Variants in KANSL1 observed in about 807,000 individuals in gnomAD.
The protein encoded by KANSL1 is KAT8 regulatory NSL complex subunit 1.
Under a neutral mutation model 103.6 loss-of-function variants are expected in KANSL1, and 22 were observed. The observed-to-expected ratio is 0.21, with a 90% CI of 0.15 to 0.30. The LOEUF is 0.30. Ranked by LOEUF, KANSL1 falls within the 10% of genes least tolerant of loss-of-function variation. The pLI, the probability that KANSL1 is intolerant of heterozygous loss-of-function variation, is 1.00. For synonymous variants in KANSL1, 600 were observed against 527.6 expected, an observed-to-expected ratio of 1.14 and a Z score of -1.88; for missense variants, 1,337 against 1,399.8, an observed-to-expected ratio of 0.96 and a Z score of 0.72.
chr17:46,093,178 G>A (rs1352770376), intron 3 of KANSL1: 1 of 152,172 alleles, frequency 6.6e-6, no homozygotes, highest in Non-Finnish European at 1.5e-5. Context: ...CTCTGATAGA[G>A]AAAGACTGTG....
intron 2 of KANSL1, among the ~76,000 whole-genome samples, chr17:46,153,118 A>G (rs572429585): frequency 1.3e-5 from 2 of 152,364 alleles, no homozygotes; most frequent in South Asian, 4.1e-4. Context: ...TCATATCACA[A>G]GGATTTTTTT....
At chr17:46,087,221 T>C (rs1452839995) in intron 3 of KANSL1, among the ~76,000 whole-genome samples, 3 of 152,226 alleles carry the variant, frequency 2.0e-5, no homozygotes, top group Non-Finnish European at 4.4e-5. Context: ...TGAATACACA[T>C]TAGTTTTAAT....
At chr17:46,198,986 T>C (rs6503460) in intron 1 of KANSL1, among the ~76,000 whole-genome samples, 4,296 of 152,262 alleles carry the variant, frequency 0.028, 213 homozygotes, top group African/African-American at 0.098. Context: ...AAAACCCATA[T>C]TAAAATTATA....
At chr17:46,034,868 T>C (rs1372717906) in intron 10 of KANSL1, 2 of 152,618 alleles carry the variant, frequency 1.3e-5, no homozygotes, top group Non-Finnish European at 2.9e-5. Context: ...CTTTTGATGA[T>C]TCTTGGGGAA....
intron 2 of KANSL1, among the ~76,000 whole-genome samples, chr17:46,139,682 G>A (rs1423069691): frequency 1.3e-5 from 2 of 152,190 alleles, no homozygotes; most frequent in African/African-American, 4.8e-5. Flanking sequence ...GTAAAAATGT[G>A]AAGGATTATT....
chr17:46,201,926 G>C lies in KANSL1; in HGVS notation c.-90+21745C>G, dbSNP rs1326366194. ...GGAAGCCAAGGTGGGAGAATCACTTGAGCCTGGAAGGTGGAGGCTACAGTG... is the reference window on the plus strand; with the variant it reads ...GGAAGCCAAGGTGGGAGAATCACTTCAGCCTGGAAGGTGGAGGCTACAGTG... On this transcript the variant is annotated intron_variant, in intron 1 of 14. Transcript: ENST00000572904. Among the ~76,000 whole-genome samples the C allele has an allele frequency of 2.0e-5, 3 of 152,230 alleles. No individual in the cohort carries two copies. The East Asian group carries it at 5.8e-4, about 29-fold the overall frequency.
chr17:46,058,093 C>T (rs531286522), intron 6 of KANSL1, among the ~76,000 whole-genome samples: 1 of 152,246 alleles, frequency 6.6e-6, no homozygotes, highest in African/African-American at 2.4e-5. Context: ...GATCAGAATT[C>T]AGAGACTAAG....
intron 1 of KANSL1, among the ~76,000 whole-genome samples, chr17:46,188,258 C>G (rs1486290187): frequency 1.3e-5 from 2 of 152,250 alleles, no homozygotes; most frequent in Non-Finnish European, 2.9e-5. Context: ...CTAATTCATA[C>G]TGTCTTCTAC....
Position 46,131,502 on chromosome 17 carries a change from G to A in KANSL1, c.1290-36801C>T, listed in dbSNP as rs573038208. Among the ~76,000 whole-genome samples, 66 of 152,268 alleles carry A rather than the reference G, an allele frequency of 4.3e-4. 1 individual carries two copies. Among genetic ancestry groups the A allele is most frequent in the Middle Eastern group, 3.4e-3 (1 of 294 alleles). On this transcript the variant is annotated intron_variant, in intron 2 of 14. Transcript: ENST00000432791. ...TGGCATGATTATTCAAAAATAACTG[G>A]TACACCCTATGCCTGAAACCTGAGT...
chr17:46,155,409 C>T (rs1362634815), intron 2 of KANSL1, among the ~76,000 whole-genome samples: 3 of 152,188 alleles, frequency 2.0e-5, no homozygotes, highest in African/African-American at 4.8e-5. Flanking sequence ...TCGCCCACCT[C>T]GGCCTCCCAA....
chr17:46,033,680 G>A (rs1437437297), intron 11 of KANSL1, among the ~76,000 whole-genome samples: 4 of 152,224 alleles, frequency 2.6e-5, no homozygotes, highest in East Asian at 1.9e-4. Flanking sequence ...TGAGAGAAGC[G>A]GCCTAGGGTA....
chr17:46,178,908 T>G (rs1296310033), intron 1 of KANSL1, among the ~76,000 whole-genome samples: 4 of 152,254 alleles, frequency 2.6e-5, no homozygotes, highest in Non-Finnish European at 4.4e-5. Context: ...ATGTTAATTC[T>G]ATTATTCTAA....
intron 1 of KANSL1, among the ~76,000 whole-genome samples, chr17:46,211,227 C>CAAAAAAAAAAAAAA (rs574672233): frequency 9.8e-6 from 1 of 102,520 alleles, no homozygotes; most frequent in African/African-American, 3.9e-5. Flanking sequence ...ATGTTCTATG[C>CAAAAAAAAAAAAAA]AAAAAAAAAA....
At chr17:46,060,325 T>A (rs1016548468) in intron 6 of KANSL1, among the ~76,000 whole-genome samples, 9 of 152,248 alleles carry the variant, frequency 5.9e-5, no homozygotes, top group African/African-American at 2.2e-4. Flanking sequence ...TTGGCAACTC[T>A]ATCACAATCA....
intron 6 of KANSL1, among the ~76,000 whole-genome samples, chr17:46,064,460 T>C (rs972465226): frequency 3.3e-5 from 5 of 152,186 alleles, no homozygotes; most frequent in East Asian, 1.9e-4. Flanking sequence ...ATTCCTTCTG[T>C]GGCCTTGTCT....
intron 2 of KANSL1, among the ~76,000 whole-genome samples, chr17:46,105,906 G>GAGAGACACACACACACAC (rs778730504): frequency 1.1e-5 from 1 of 95,180 alleles, no homozygotes; most frequent in African/African-American, 4.6e-5. Context: ...GCAAGGCCTT[G>GAGAGACACACACACACAC]ACACACACAC....
At chr17:46,111,610 G>A (rs555943074) in intron 2 of KANSL1, among the ~76,000 whole-genome samples, 1 of 152,280 alleles carries the variant, frequency 6.6e-6, no homozygotes, top group South Asian at 2.1e-4. Flanking sequence ...AACTAGACTA[G>A]ACAAAGAGAT....
At chr17:46,031,724 C>T (rs2146302441) in intron 14 of KANSL1, 21 bp from the exon 15 acceptor site, 1 of 1,573,470 alleles carries the variant, frequency 6.4e-7, no homozygotes, top group Non-Finnish European at 8.7e-7. Flanking sequence ...ACAAGTTGCT[C>T]TTTGAGGACC....
chr17:46,065,531 A>T (rs537437570), intron 6 of KANSL1, among the ~76,000 whole-genome samples: 1 of 152,312 alleles, frequency 6.6e-6, no homozygotes, highest in African/African-American at 2.4e-5. Flanking sequence ...TAAGCATGTT[A>T]CATATATTTC....
Sources: allele counts gnomAD v4.1 joint callset (sites outside exome capture counted in the v4.1 genomes callset), GRCh38; gene constraint gnomAD v4.1.1; transcripts MANE v1.5; gene names NCBI Gene and HGNC (gene_info 2026-07-23, HGNC 2026-07-21).